The following TTLL11 variants were observed in gnomAD, a reference collection of about 807,000 sequenced individuals.
TTLL11 encodes tubulin tyrosine ligase like 11.
TTLL11 carries 42 observed loss-of-function variants against 51.7 expected under a neutral mutation model. The observed-to-expected ratio is 0.81, with a 90% CI of 0.64 to 1.05. The LOEUF is 1.05. Ranked by LOEUF, TTLL11 falls within the 50% of genes least tolerant of loss-of-function variation. The pLI is 0.00. For synonymous variants in TTLL11, 381 were observed against 383.5 expected (o/e 0.99, Z 0.08); for missense variants, 799 against 940.4 (o/e 0.85, Z 1.97).
chr9:121,914,186 G>A (rs573434298), intron 6 of TTLL11, among the ~76,000 whole-genome samples: 9 of 152,290 alleles, frequency 5.9e-5, no homozygotes, highest in Middle Eastern at 3.4e-3. Flanking sequence ...CAATCTGTTC[G>A]TGTAAATAAA....
At chr9:121,852,932 C>T (rs1240732711) in intron 8 of TTLL11, among the ~76,000 whole-genome samples, 7 of 152,322 alleles carry the variant, frequency 4.6e-5, no homozygotes, top group East Asian at 3.9e-4. Flanking sequence ...CCTACTTATC[C>T]GAGGCCTCCT....
intron 7 of TTLL11, among the ~76,000 whole-genome samples, chr9:121,864,688 C>A (rs1040964317): frequency 1.3e-5 from 2 of 152,182 alleles, no homozygotes; most frequent in Admixed American, 1.3e-4. Context: ...TGATGTAGAA[C>A]CAGTTTGAAG....
intron 1 of TTLL11, among the ~76,000 whole-genome samples, chr9:122,072,703 C>T (rs192328147): frequency 4.3e-4 from 65 of 152,270 alleles, no homozygotes; most frequent in African/African-American, 1.4e-3. Flanking sequence ...CACCATGCCA[C>T]AATCCATGCT....
chr9:121,992,607 G>A (rs1393420931), intron 3 of TTLL11, among the ~76,000 whole-genome samples: 1 of 152,228 alleles, frequency 6.6e-6, no homozygotes, highest in Admixed American at 6.5e-5. Context: ...ACTGGTGTTA[G>A]CTGGAGTGTG....
chr9:122,073,055 A>C (rs1845767256), intron 1 of TTLL11, among the ~76,000 whole-genome samples: 1 of 152,198 alleles, frequency 6.6e-6, no homozygotes, highest in Non-Finnish European at 1.5e-5. Context: ...GTGCAGTATG[A>C]GGATCCAATA....
Position 122,093,122 on chromosome 9 carries a change from C to T in TTLL11, c.27G>A (p.Glu9=). The T allele has an allele frequency of 1.3e-6, 2 of 1,494,690 alleles. No individual in the cohort carries two copies. The highest frequency in any genetic ancestry group is 1.5e-5 in the African/African-American group (1 of 68,690). The allele number at this position is 1,494,690 out of a possible 1,614,324, so 92.6% of individuals were successfully genotyped here. A position where few individuals can be genotyped will look rare whatever the true frequency, so the allele number is the denominator to read the frequency against. The change falls in exon 1 of 9, where the codon GAG becomes GAA. Residue 9 remains glutamate (E), a synonymous_variant. Transcript: ENST00000321582. MRRGSSES[E]LAARWEAEAV... ...CCTCCGCCTCCCACCGGGCCGCCAG[C>T]TCGCTCTCGGAGCTGCCCCGCCGCA...
At chr9:121,909,506 G>A (rs1051240139) in intron 6 of TTLL11, among the ~76,000 whole-genome samples, 6 of 152,100 alleles carry the variant, frequency 3.9e-5, no homozygotes, top group East Asian at 3.9e-4. Context: ...GCCCTTGTTC[G>A]CTAGAAGCAA....
chr9:122,047,285 G>A (rs1030123018), intron 1 of TTLL11, among the ~76,000 whole-genome samples: 5 of 152,228 alleles, frequency 3.3e-5, no homozygotes, highest in African/African-American at 1.2e-4. Context: ...TGGGCAATTT[G>A]AGCTGAGATT....
chr9:121,846,750 T>A (rs1172632603), intron 8 of TTLL11, among the ~76,000 whole-genome samples: 6 of 152,208 alleles, frequency 3.9e-5, no homozygotes, highest in African/African-American at 1.4e-4. Flanking sequence ...GATTAAAATA[T>A]AAATTATTGA....
chr9:121,874,434 G>A (rs1176331143), intron 6 of TTLL11, among the ~76,000 whole-genome samples: 1 of 152,164 alleles, frequency 6.6e-6, no homozygotes, highest in African/African-American at 2.4e-5. Flanking sequence ...GACATTCTGA[G>A]AAATGTATAA....
intron 6 of TTLL11, 95 bp from the exon 7 acceptor site, chr9:121,870,843 C>T: frequency 7.3e-7 from 1 of 1,363,712 alleles, no homozygotes; most frequent in Non-Finnish European, 9.8e-7. Flanking sequence ...GCATTACCAG[C>T]ATTTTTTATT....
chr9:122,002,611 C>A (rs1453568250), intron 3 of TTLL11, among the ~76,000 whole-genome samples: 1 of 152,116 alleles, frequency 6.6e-6, no homozygotes, highest in South Asian at 2.1e-4. Flanking sequence ...GTTTTCCCAT[C>A]CCCTGGGAAA....
intron 6 of TTLL11, among the ~76,000 whole-genome samples, chr9:121,935,366 A>G (rs777150426): frequency 1.3e-5 from 2 of 152,196 alleles, no homozygotes; most frequent in Non-Finnish European, 2.9e-5. Flanking sequence ...TATCATTATT[A>G]TGATGACAAT....
At chr9:121,917,441 G>A (rs926723106) in intron 6 of TTLL11, among the ~76,000 whole-genome samples, 1 of 144,016 alleles carries the variant, frequency 6.9e-6, no homozygotes, top group Non-Finnish European at 1.5e-5. Flanking sequence ...CTGCACTTTA[G>A]CCTGCCTGGG....
At chr9:121,947,655 A>C (rs1252322423) in intron 6 of TTLL11, among the ~76,000 whole-genome samples, 3 of 152,210 alleles carry the variant, frequency 2.0e-5, no homozygotes, top group Non-Finnish European at 4.4e-5. Context: ...AGCATAATAG[A>C]AAATGTTCTC....
chr9:122,060,983 G>A (rs577692397), intron 1 of TTLL11, among the ~76,000 whole-genome samples: 22 of 152,282 alleles, frequency 1.4e-4, no homozygotes, highest in African/African-American at 4.8e-4. Context: ...CTGGAGACCC[G>A]ACATCCAGGA....
chr9:122,030,792 A>G (rs1844516578), intron 3 of TTLL11, among the ~76,000 whole-genome samples: 1 of 150,466 alleles, frequency 6.6e-6, no homozygotes, highest in Non-Finnish European at 1.5e-5. Flanking sequence ...AAAAAAAAAA[A>G]AAAGCCGGTG....
intron 6 of TTLL11, among the ~76,000 whole-genome samples, chr9:121,963,247 G>C (rs1022810965): frequency 1.3e-5 from 2 of 152,200 alleles, no homozygotes; most frequent in African/African-American, 4.8e-5. Context: ...GAACCAGGCA[G>C]AGCAGAAACT....
At chr9:122,065,981 C>T (rs980873138) in intron 1 of TTLL11, among the ~76,000 whole-genome samples, 3 of 151,940 alleles carry the variant, frequency 2.0e-5, no homozygotes, top group African/African-American at 7.3e-5. Flanking sequence ...TCCCAGTGTA[C>T]AGTGGATTGA....
Sources: allele counts gnomAD v4.1 joint callset (sites outside exome capture counted in the v4.1 genomes callset), GRCh38; gene constraint gnomAD v4.1.1; transcripts MANE v1.5; gene names NCBI Gene and HGNC (gene_info 2026-07-23, HGNC 2026-07-21).